HIBCH: variants seen among roughly 807,000 people sequenced by gnomAD.
HIBCH encodes 3-hydroxyisobutyryl-CoA hydrolase, mitochondrial.
A neutral mutation model predicts 58.2 loss-of-function variants in HIBCH; 50 were observed. That is an observed-to-expected ratio of 0.86 (90% CI 0.68 to 1.09). The LOEUF is 1.09. HIBCH is among the 50% of genes least tolerant of loss of function. The pLI, the probability that HIBCH is intolerant of heterozygous loss-of-function variation, is 0.00. For missense variants in HIBCH, 450 were observed against 449.7 expected (o/e 1.00, Z -0.01); for synonymous variants, 151 against 146.9 (o/e 1.03, Z -0.20).
At chr2:190,190,310 A>G (rs547089970) in intron 1 of HIBCH, among the ~76,000 whole-genome samples, 1 of 152,200 alleles carries the variant, frequency 6.6e-6, no homozygotes, top group Non-Finnish European at 1.5e-5. Flanking sequence ...ATTCATATAA[A>G]TATGATCCAT....
chr2:190,195,251 G>A (rs1176647065), intron 1 of HIBCH, among the ~76,000 whole-genome samples: 1 of 152,176 alleles, frequency 6.6e-6, no homozygotes, highest in East Asian at 1.9e-4. Flanking sequence ...TTGCTTCTAA[G>A]TTTTCAAAGT....
chr2:190,191,796 C>A lies in HIBCH; in HGVS notation c.*18-1799G>T, dbSNP rs78340036. ...TGAACTGCCTAAATCTTTCAAATCT[C>A]GTTTTCTAAACTGGGTTGTTGTCTT... On this transcript the variant is annotated intron_variant, in intron 1 of 1. Transcript: ENST00000399855. 6.7e-3 allele frequency among the ~76,000 whole-genome samples: 1,024 copies of A among 152,270 alleles called. 12 individuals carry two copies. The highest frequency in any genetic ancestry group is 0.022 in the African/African-American group (927 of 41,564).
At chr2:190,289,063 A>T (rs1687901003) in intron 5 of HIBCH, among the ~76,000 whole-genome samples, 1 of 152,318 alleles carries the variant, frequency 6.6e-6, no homozygotes, top group East Asian at 1.9e-4. Flanking sequence ...GTGAGCCAAG[A>T]TCGCACCACT....
chr2:190,264,174 C>T (rs1483751660), intron 6 of HIBCH, among the ~76,000 whole-genome samples: 2 of 152,132 alleles, frequency 1.3e-5, no homozygotes, highest in African/African-American at 2.4e-5. Flanking sequence ...CTGATATGGT[C>T]CCATATGATC....
chr2:190,250,180 C>A, intron 8 of HIBCH: 1 of 341,506 alleles, frequency 2.9e-6, no homozygotes. Flanking sequence ...GTTCCCAGAG[C>A]ATAGCTAATG....
At chr2:190,288,480 G>A (rs1339382270) in intron 5 of HIBCH, among the ~76,000 whole-genome samples, 1 of 148,620 alleles carries the variant, frequency 6.7e-6, no homozygotes, top group Non-Finnish European at 1.5e-5. Flanking sequence ...GGAAATAAGG[G>A]ACCACATACT....
At chr2:190,305,238 G>A (rs898476720) in intron 2 of HIBCH, among the ~76,000 whole-genome samples, 19 of 152,068 alleles carry the variant, frequency 1.2e-4, no homozygotes, top group Non-Finnish European at 4.4e-5. Flanking sequence ...AAGTTCACTG[G>A]AAATGAGAAT....
intron 4 of HIBCH, among the ~76,000 whole-genome samples, chr2:190,293,448 C>T (rs970289534): frequency 3.3e-5 from 4 of 119,892 alleles, no homozygotes; most frequent in Admixed American, 9.4e-5. Flanking sequence ...AGCGAAACTC[C>T]GTCTCAAAAA....
At chr2:190,311,929 T>C (rs539304297) in intron 1 of HIBCH, among the ~76,000 whole-genome samples, 1 of 152,182 alleles carries the variant, frequency 6.6e-6, no homozygotes, top group Admixed American at 6.5e-5. Flanking sequence ...CCACTAATAA[T>C]GGACATGAGA....
intron 12 of HIBCH, 23 bp downstream of exon 12, chr2:190,212,933 A>G: frequency 6.3e-7 from 1 of 1,585,696 alleles, no homozygotes; most frequent in Non-Finnish European, 8.6e-7. Context: ...CTAAAAAATG[A>G]CATTTTTTTT....
intron 7 of HIBCH, among the ~76,000 whole-genome samples, chr2:190,260,246 G>A (rs1687051448): frequency 6.6e-6 from 1 of 152,124 alleles, no homozygotes; most frequent in African/African-American, 2.4e-5. Flanking sequence ...CATGATAAAG[G>A]TAAATACAAA....
At chr2:190,195,940 G>GC (rs1400211061) in intron 1 of HIBCH, among the ~76,000 whole-genome samples, 2 of 34,388 alleles carry the variant, frequency 5.8e-5, no homozygotes, top group East Asian at 6.6e-4. Context: ...ACTGTGTCCA[G>GC]CTTTTTTTTT....
In HIBCH at chr2:190,315,630, T is replaced by C. The variant is rs1465579618; in HGVS notation, c.35+4086A>G. The stretch of plus-strand genomic sequence containing the variant: ...GAAGAAGACATCACAAAGTAGTGCT[T>C]AGTGAAAATTATTATCCCAGAAGTA... On this transcript the variant is annotated intron_variant, in intron 1 of 13. Transcript: ENST00000359678. This position sits in a 1 kb window ranked among gnomAD's most constrained non-coding sequence, Gnocchi z 5.4. Among the ~76,000 whole-genome samples the C allele has an allele frequency of 6.6e-6, 1 of 152,176 alleles. No individual in the cohort carries two copies. Among genetic ancestry groups the C allele is most frequent in the African/African-American group, 2.4e-5 (1 of 41,442 alleles).
In HIBCH at chr2:190,215,108, C is replaced by T. The variant is rs994688296; in HGVS notation, c.892-2033G>A. On this transcript the variant is annotated intron_variant, in intron 11 of 13. Coordinates refer to ENST00000359678, the MANE Select transcript of HIBCH (RefSeq NM_014362.4). This position sits in a 1 kb window ranked among gnomAD's most constrained non-coding sequence, Gnocchi z 4.4. Reference sequence around the variant, plus strand: ...ATCCCCTCGGTTTAGCAGAGCAAACCTCAGCTTAGCAGAGATCCCCTCGGT... The same window carrying T: ...ATCCCCTCGGTTTAGCAGAGCAAACTTCAGCTTAGCAGAGATCCCCTCGGT... The T allele has an allele frequency of 1.3e-5, 2 of 150,850 alleles. No individual in the cohort carries two copies. The highest frequency in any genetic ancestry group is 2.5e-5 in the African/African-American group (1 of 40,678). 9.3% of individuals were successfully genotyped at this position (150,850 alleles called of 1,614,324 possible).
intron 1 of HIBCH, among the ~76,000 whole-genome samples, chr2:190,314,892 T>C (rs925296): frequency 0.013 from 1,967 of 152,236 alleles, 50 homozygotes; most frequent in African/African-American, 0.043. Context: ...ATGATCTTTC[T>C]TTTCTATTGG....
intron 6 of HIBCH, among the ~76,000 whole-genome samples, chr2:190,270,692 A>G (rs1026058905): frequency 6.6e-6 from 1 of 152,172 alleles, no homozygotes; most frequent in Non-Finnish European, 1.5e-5. Flanking sequence ...ACATGCTTTC[A>G]CTATGGCATA....
At chr2:190,277,957 T>G (rs1448708537) in intron 6 of HIBCH, among the ~76,000 whole-genome samples, 1 of 152,064 alleles carries the variant, frequency 6.6e-6, no homozygotes, top group Non-Finnish European at 1.5e-5. Context: ...TATGAAGATT[T>G]TCTTTTAACA....
chr2:190,284,836 C>T (rs1028079537), intron 6 of HIBCH, among the ~76,000 whole-genome samples: 38 of 152,026 alleles, frequency 2.5e-4, no homozygotes, highest in African/African-American at 8.7e-4. Context: ...TCTGAAATTT[C>T]GTGTTTCCTT....
At chr2:190,238,119 C>G (rs1276955144) in intron 11 of HIBCH, among the ~76,000 whole-genome samples, 1 of 152,162 alleles carries the variant, frequency 6.6e-6, no homozygotes, top group East Asian at 1.9e-4. Flanking sequence ...GTAAATAGTG[C>G]TGCAATAAAC....
Sources: allele counts gnomAD v4.1 joint callset (sites outside exome capture counted in the v4.1 genomes callset), GRCh38; gene constraint gnomAD v4.1.1; non-coding constraint Gnocchi (gnomAD v3.1); transcripts MANE v1.5; gene names NCBI Gene and HGNC (gene_info 2026-07-23, HGNC 2026-07-21).